NCK1: variants seen among roughly 807,000 people sequenced by gnomAD.
NCK1 encodes the protein SH2/SH3 adapter protein NCK1.
Under a neutral mutation model 36.6 loss-of-function variants are expected in NCK1, and 19 were observed. That is an observed-to-expected ratio of 0.52 (90% CI 0.36 to 0.76). NCK1 has a LOEUF of 0.76. NCK1 is among the 30% of genes least tolerant of loss of function. The probability of loss-of-function intolerance (pLI) is 0.00; values close to 1 mark genes in which losing one functional copy is unlikely to be tolerated. For missense variants in NCK1, 358 were observed against 445.6 expected (o/e 0.80, Z 1.77); for synonymous variants, 165 against 156.0 (o/e 1.06, Z -0.43).
intron 2 of NCK1, among the ~76,000 whole-genome samples, chr3:136,937,025 T>C (rs1940548416): frequency 6.6e-6 from 1 of 152,212 alleles, no homozygotes; most frequent in Non-Finnish European, 1.5e-5. Flanking sequence ...TTAGTGTCAG[T>C]ATCTAAGAAT....
At chr3:136,862,608 C>G (rs1434543159) in intron 1 of NCK1, among the ~76,000 whole-genome samples, 9 of 152,232 alleles carry the variant, frequency 5.9e-5, no homozygotes, top group African/African-American at 1.9e-4. Context: ...CCTTGTCAGC[C>G]CCTGGAGCGC....
chr3:136,892,370 T>G (rs1268167223), intron 1 of NCK1, among the ~76,000 whole-genome samples: 1 of 152,222 alleles, frequency 6.6e-6, no homozygotes, highest in Non-Finnish European at 1.5e-5. Context: ...TTTGATGAAG[T>G]CCAGTTTGAC....
chr3:136,904,886 C>T (rs1370532121), intron 1 of NCK1, among the ~76,000 whole-genome samples: 1 of 150,306 alleles, frequency 6.7e-6, no homozygotes, highest in African/African-American at 2.5e-5. Context: ...TTTCCAAGGG[C>T]CTTTCTTAAT....
In NCK1 at chr3:136,926,240, C is replaced by G. The variant is rs189958098; in HGVS notation, c.-18-1744C>G. On this transcript the variant is annotated intron_variant, in intron 1 of 3. Coordinates refer to ENST00000481752, the MANE Select transcript of NCK1 (RefSeq NM_001291999.2). Reference sequence around the variant, plus strand: ...ACTCAGTTCATTAATTTATTTTTAGCTCTTTTTAAAATTTTATTTTAAATT... The same window carrying G: ...ACTCAGTTCATTAATTTATTTTTAGGTCTTTTTAAAATTTTATTTTAAATT... Among the ~76,000 whole-genome samples, 476 of 148,302 alleles carry G rather than the reference C, an allele frequency of 3.2e-3. 6 individuals are homozygous for G. Among genetic ancestry groups the G allele is most frequent in the African/African-American group, 0.011 (461 of 40,382 alleles).
intron 1 of NCK1, chr3:136,899,318 G>A (rs772799181): frequency 7.6e-5 from 18 of 236,826 alleles, no homozygotes; most frequent in Non-Finnish European, 1.2e-4. Context: ...ATTCTGATTT[G>A]ATGGCAGCCA....
At chr3:136,912,864 CTGGTCT>C (rs55964348) in intron 1 of NCK1, among the ~76,000 whole-genome samples, 94,358 of 150,980 alleles carry the variant, frequency 0.62, 29,738 homozygotes, top group East Asian at 0.86. Flanking sequence ...GTTTCCCAAA[CTGGTCT>C]TGGTCTTGAT....
chr3:136,939,128 T>C (rs1940606837), intron 2 of NCK1, among the ~76,000 whole-genome samples: 2 of 152,220 alleles, frequency 1.3e-5, no homozygotes, highest in Admixed American at 1.3e-4. Context: ...TGATGCGAGA[T>C]GTTTTGTTAC....
chr3:136,878,206 T>G (rs1938828163), intron 1 of NCK1, among the ~76,000 whole-genome samples: 1 of 152,088 alleles, frequency 6.6e-6, no homozygotes, highest in Non-Finnish European at 1.5e-5. Context: ...GTCAGGAGTT[T>G]GAGACCAGCC....
intron 3 of NCK1, among the ~76,000 whole-genome samples, chr3:136,946,497 T>C (rs1940830952): frequency 6.6e-6 from 1 of 152,214 alleles, no homozygotes; most frequent in Non-Finnish European, 1.5e-5. Context: ...GTGGCAGTGT[T>C]GCTACACACT....
intron 1 of NCK1, among the ~76,000 whole-genome samples, chr3:136,905,213 G>T (rs1169912937): frequency 2.0e-5 from 3 of 151,558 alleles, no homozygotes; most frequent in Non-Finnish European, 4.4e-5. Flanking sequence ...GCAGAGACAG[G>T]GTTTCACTGT....
At chr3:136,934,960 C>G (rs1004111206) in intron 2 of NCK1, among the ~76,000 whole-genome samples, 1 of 151,976 alleles carries the variant, frequency 6.6e-6, no homozygotes, top group Non-Finnish European at 1.5e-5. Context: ...CCCAAAACTC[C>G]GCATGATCTT....
At chr3:136,888,781 T>A (rs375915283) in intron 1 of NCK1, among the ~76,000 whole-genome samples, 1 of 152,212 alleles carries the variant, frequency 6.6e-6, no homozygotes, top group African/African-American at 2.4e-5. Context: ...ATTTGCTCAT[T>A]CTGAACCTTT....
chr3:136,904,834 AT>A lies in NCK1; in HGVS notation c.-18-23137del, dbSNP rs55815126. ...TCCATATGTCACACAGGCTTTTCTC[AT>A]TTTTTTTTTTTTAATTATTACTTTT... On this transcript the variant is annotated intron_variant, in intron 1 of 3. Transcript: ENST00000481752. Among the ~76,000 whole-genome samples, 714 of 142,746 alleles carry A rather than the reference AT, an allele frequency of 5.0e-3. 3 individuals are homozygous for A. Among genetic ancestry groups the A allele is most frequent in the African/African-American group, 0.013 (520 of 38,702 alleles). The allele number at this position is 142,746 out of a possible 152,430, so 93.6% of individuals were successfully genotyped here. A position where few individuals can be genotyped will look rare whatever the true frequency, so the allele number is the denominator to read the frequency against.
chr3:136,928,861 TAAAAAAAAAAA>T (rs755770014), intron 2 of NCK1: 1 of 119,688 alleles, frequency 8.4e-6, no homozygotes, highest in Non-Finnish European at 1.8e-5. Flanking sequence ...GCCTCTTCTT[TAAAAAAAAAAA>T]AAAAAAAAAA....
At chr3:136,936,605 A>T (rs546229293) in intron 2 of NCK1, among the ~76,000 whole-genome samples, 1 of 152,168 alleles carries the variant, frequency 6.6e-6, no homozygotes, top group Admixed American at 6.5e-5. Context: ...CCAGTATTGT[A>T]AGGGGGATTC....
At chr3:136,863,522 C>T (rs1938310872) in intron 1 of NCK1, among the ~76,000 whole-genome samples, 1 of 152,124 alleles carries the variant, frequency 6.6e-6, no homozygotes, top group Admixed American at 6.5e-5. Context: ...AAATAGGCAT[C>T]CCATTCACAA....
At chr3:136,936,336 C>T (rs1476866891) in intron 2 of NCK1, among the ~76,000 whole-genome samples, 8 of 152,226 alleles carry the variant, frequency 5.3e-5, no homozygotes, top group South Asian at 2.1e-4. Context: ...CCACTGTGCC[C>T]GGCTGGCTGA....
At chr3:136,933,081 T>A (rs1003772709) in intron 2 of NCK1, among the ~76,000 whole-genome samples, 1 of 152,190 alleles carries the variant, frequency 6.6e-6, no homozygotes, top group Non-Finnish European at 1.5e-5. Context: ...TTGTATAGAT[T>A]GGTGAGAACC....
intron 1 of NCK1, chr3:136,900,049 G>A (rs1939500046): frequency 8.7e-6 from 5 of 574,228 alleles, no homozygotes; most frequent in Non-Finnish European, 1.3e-5. Context: ...TAATTGATTG[G>A]TTTCTTACAT....
Sources: gnomAD v4.1 joint callset for allele counts (sites outside exome capture counted in the v4.1 genomes callset) on GRCh38, gnomAD v4.1.1 for gene constraint, MANE v1.5 for transcripts, NCBI Gene and HGNC (gene_info 2026-07-23, HGNC 2026-07-21) for gene names.